CA10: variants seen among roughly 807,000 people sequenced by gnomAD.
The protein encoded by CA10 is carbonic anhydrase-related protein 10.
CA10 carries 14 observed loss-of-function variants against 44.2 expected under a neutral mutation model. That is an observed-to-expected ratio of 0.32 (90% CI 0.21 to 0.50). The LOEUF (loss-of-function observed/expected upper bound fraction) is 0.50. CA10 is among the 20% of genes least tolerant of loss of function. The pLI, the probability that CA10 is intolerant of heterozygous loss-of-function variation, is 0.99. For synonymous variants in CA10, 159 were observed against 141.6 expected (o/e 1.12, Z -0.87); for missense variants, 350 against 409.7 (o/e 0.85, Z 1.26).
intron 4 of CA10, among the ~76,000 whole-genome samples, chr17:51,730,824 A>C (rs1259994106): frequency 6.6e-6 from 1 of 152,208 alleles, no homozygotes; most frequent in East Asian, 1.9e-4. Flanking sequence ...CAGTGGGGAT[A>C]TCTCAGACTT....
In CA10 at chr17:51,747,816, G is replaced by C. The variant is rs140274566; in HGVS notation, c.282C>G (p.Val94=). The change falls in exon 4 of 9, where the codon GTC becomes GTG. Residue 94 remains valine, a splice_region_variant and synonymous_variant. Coordinates refer to ENST00000451037, the MANE Select transcript of CA10 (RefSeq NM_020178.5). Reference sequence around the variant, plus strand: ...TTCCAGTGTTGTACATGGTCCCACTGACCTGCAAGGCAATTAGCAACAGGT... The same window carrying C: ...TTCCAGTGTTGTACATGGTCCCACTCACCTGCAAGGCAATTAGCAACAGGT... ...PLRINTGGRK[V]SGTMYNTGRH... is the part of the protein sequence containing the mutation. 6.9e-5 allele frequency: 111 copies of C among 1,606,872 alleles called. No homozygotes were observed. Among genetic ancestry groups the C allele is most frequent in the Non-Finnish European group, 9.2e-5 (108 of 1,176,626 alleles).
intron 3 of CA10, among the ~76,000 whole-genome samples, chr17:51,893,655 C>T (rs888997635): frequency 6.6e-6 from 1 of 152,008 alleles, no homozygotes; most frequent in Non-Finnish European, 1.5e-5. Flanking sequence ...AACTAAAGTG[C>T]AAAATTGAAT....
intron 4 of CA10, among the ~76,000 whole-genome samples, chr17:51,718,125 C>G (rs1386391152): frequency 6.6e-6 from 1 of 150,944 alleles, no homozygotes; most frequent in Non-Finnish European, 1.5e-5. Flanking sequence ...GTGTATACTG[C>G]TCAGGTGATG....
At chr17:51,873,183 C>A (rs7220627) in intron 3 of CA10, among the ~76,000 whole-genome samples, 44,221 of 151,796 alleles carry the variant, frequency 0.29, 7,147 homozygotes, top group African/African-American at 0.43. Flanking sequence ...TATGTAACAG[C>A]GTTAAAGATT....
rs529106227 is a variant in CA10, at chr17:51,791,820, C to G, written c.280-44002G>C. Among the ~76,000 whole-genome samples the G allele has an allele frequency of 2.0e-4, 30 of 152,172 alleles. No individual in the cohort carries two copies. In the South Asian group the frequency reaches 6.2e-3, roughly 32 times the overall value. On this transcript the variant is annotated intron_variant, in intron 3 of 8. Transcript: ENST00000451037. ...CTTTCTTTTAATAGCTTTTGAAGAC[C>G]CTGTAAATCTTTTCAAATTTTTGGG...
At chr17:51,905,286 C>T (rs1981497082) in intron 3 of CA10, among the ~76,000 whole-genome samples, 1 of 152,114 alleles carries the variant, frequency 6.6e-6, no homozygotes, top group Non-Finnish European at 1.5e-5. Flanking sequence ...GTTTGCACTG[C>T]CTCAGGTGGA....
intron 6 of CA10, among the ~76,000 whole-genome samples, chr17:51,641,852 C>T (rs1019905124): frequency 2.0e-5 from 3 of 152,000 alleles, no homozygotes; most frequent in African/African-American, 7.3e-5. Context: ...CTCATGTGGA[C>T]CACTGATGAG....
At chr17:52,083,391 C>T (rs191151023) in intron 1 of CA10, among the ~76,000 whole-genome samples, 86 of 152,060 alleles carry the variant, frequency 5.7e-4, no homozygotes, top group African/African-American at 1.1e-3. Context: ...TCACTTTGGG[C>T]GAATTATTTC....
intron 2 of CA10, among the ~76,000 whole-genome samples, chr17:51,980,526 G>T (rs2144086375): frequency 6.6e-6 from 1 of 152,110 alleles, no homozygotes; most frequent in South Asian, 2.1e-4. Flanking sequence ...AGTTTAATTA[G>T]ATCCCATTTG....
Position 52,102,598 on chromosome 17 carries a change from C to T in CA10, c.62-30205G>A, listed in dbSNP as rs139306903. 3.5e-3 allele frequency among the ~76,000 whole-genome samples: 534 copies of T among 152,280 alleles called. 3 individuals are homozygous for T. Among genetic ancestry groups the T allele is most frequent in the African/African-American group, 0.012 (506 of 41,568 alleles). The stretch of plus-strand genomic sequence containing the variant: ...AAGCTTTCCAGTAGGACAGACAAAA[C>T]GAGGCAACTACATAACCCAAACCAA... On this transcript the variant is annotated intron_variant, in intron 1 of 8. Transcript: ENST00000451037.
chr17:51,895,005 T>C (rs2143917001), intron 3 of CA10, among the ~76,000 whole-genome samples: 1 of 152,086 alleles, frequency 6.6e-6, no homozygotes, highest in Non-Finnish European at 1.5e-5. Context: ...TAAAGAAAAA[T>C]CTTACAAGCT....
intron 4 of CA10, among the ~76,000 whole-genome samples, chr17:51,692,545 T>C (rs575546554): frequency 6.6e-6 from 1 of 152,328 alleles, no homozygotes; most frequent in African/African-American, 2.4e-5. Flanking sequence ...TTCTTTCTCT[T>C]GCTTAATTGC....
intron 4 of CA10, among the ~76,000 whole-genome samples, chr17:51,731,846 T>C (rs183590944): frequency 1.3e-5 from 2 of 151,882 alleles, no homozygotes; most frequent in Non-Finnish European, 2.9e-5. Context: ...CCGGGCTAAT[T>C]GTATTTTTAG....
In CA10 at chr17:51,644,173, C is replaced by T. The variant is rs112834962; in HGVS notation, c.634+5009G>A. On this transcript the variant is annotated intron_variant, in intron 6 of 8. Coordinates refer to ENST00000451037, the MANE Select transcript of CA10 (RefSeq NM_020178.5). ...AAGAATGATTTTGCACAGTTCCCCC[C>T]CTTTTTTTTTTTCCTGGTCATTCAT... 2.0e-3 allele frequency among the ~76,000 whole-genome samples: 171 copies of T among 85,464 alleles called. 1 individual carries two copies. The highest frequency in any genetic ancestry group is 4.6e-3 in the South Asian group (8 of 1,736). 56.1% of individuals were successfully genotyped at this position (85,464 alleles called of 152,430 possible).
intron 2 of CA10, among the ~76,000 whole-genome samples, chr17:51,985,331 A>G (rs923949935): frequency 1.3e-5 from 2 of 151,934 alleles, no homozygotes; most frequent in African/African-American, 4.8e-5. Flanking sequence ...TATGATTAAA[A>G]CTCTCAACAA....
chr17:52,112,919 C>T (rs141018595), intron 1 of CA10, among the ~76,000 whole-genome samples: 30 of 152,262 alleles, frequency 2.0e-4, no homozygotes, highest in East Asian at 7.7e-4. Flanking sequence ...ATAGCAGCTG[C>T]GCAGAAGGGA....
chr17:51,734,164 A>T (rs1246529559), intron 4 of CA10, among the ~76,000 whole-genome samples: 1 of 117,936 alleles, frequency 8.5e-6, no homozygotes, highest in Non-Finnish European at 1.7e-5. Flanking sequence ...CAAAGTGTGT[A>T]CTCAATCTTT....
At chr17:51,813,846 G>A (rs1380856821) in intron 3 of CA10, among the ~76,000 whole-genome samples, 8 of 152,178 alleles carry the variant, frequency 5.3e-5, no homozygotes, top group Admixed American at 3.9e-4. Context: ...AGGCTCAAAA[G>A]GTCAAGTCAA....
chr17:51,789,264 C>T (rs1327024444), intron 3 of CA10, among the ~76,000 whole-genome samples: 7 of 151,354 alleles, frequency 4.6e-5, no homozygotes, highest in African/African-American at 1.2e-4. Flanking sequence ...GATCCACCCA[C>T]GCTGGCCTCC....
Sources: gnomAD v4.1 joint callset for allele counts (sites outside exome capture counted in the v4.1 genomes callset) on GRCh38, gnomAD v4.1.1 for gene constraint, MANE v1.5 for transcripts, NCBI Gene and HGNC (gene_info 2026-07-23, HGNC 2026-07-21) for gene names.